Variants in SUGCT observed in about 807,000 individuals in gnomAD.
The protein encoded by SUGCT is succinyl-CoA:glutarate-CoA transferase.
Under a neutral mutation model 55.0 loss-of-function variants are expected in SUGCT, and 41 were observed. The observed-to-expected ratio is 0.74, with a 90% CI of 0.58 to 0.97. The LOEUF (loss-of-function observed/expected upper bound fraction) is 0.97. Among genes scored for constraint, SUGCT ranks in the 50% least tolerant of loss-of-function variants. The pLI, the probability that SUGCT is intolerant of heterozygous loss-of-function variation, is 0.00. For missense variants in SUGCT, 568 were observed against 547.8 expected (o/e 1.04, Z -0.37); for synonymous variants, 187 against 200.4 (o/e 0.93, Z 0.56).
intron 13 of SUGCT, among the ~76,000 whole-genome samples, chr7:40,756,973 T>G (rs1011734389): frequency 1.3e-5 from 2 of 152,180 alleles, no homozygotes; most frequent in African/African-American, 4.8e-5. Context: ...AATTTTCAAA[T>G]AGACTAGCTA....
chr7:41,013,442 A>T, the SUGCT span, among the ~76,000 whole-genome samples: 2 of 152,194 alleles, frequency 1.3e-5, no homozygotes, highest in Non-Finnish European at 2.9e-5. Context: ...TTGTGTCTTG[A>T]TGTTGGAGTC....
chr7:40,628,536 C>T (rs1286002033), intron 12 of SUGCT, among the ~76,000 whole-genome samples: 1 of 152,218 alleles, frequency 6.6e-6, no homozygotes, highest in East Asian at 1.9e-4. Context: ...GAACGCCTGC[C>T]ATCTTGAATG....
At chr7:40,186,707 A>T (rs998673794) in intron 3 of SUGCT, among the ~76,000 whole-genome samples, 1 of 152,164 alleles carries the variant, frequency 6.6e-6, no homozygotes, top group African/African-American at 2.4e-5. Context: ...CAGGGAACCT[A>T]AGTGAGGAAA....
chr7:40,952,131 G>T, the SUGCT span, among the ~76,000 whole-genome samples: 12 of 152,264 alleles, frequency 7.9e-5, no homozygotes, highest in Non-Finnish European at 1.6e-4. Context: ...ATGAATCTGG[G>T]TGCTCCTGTA....
At chr7:40,153,655 T>C in intron 1 of SUGCT, 1 of 523,594 alleles carries the variant, frequency 1.9e-6, no homozygotes, top group Non-Finnish European at 3.9e-6. Flanking sequence ...ACAGGGGCAA[T>C]ACCAATAGAG....
intron 9 of SUGCT, among the ~76,000 whole-genome samples, chr7:40,343,742 C>T (rs112421674): frequency 0.013 from 1,904 of 152,056 alleles, 33 homozygotes; most frequent in African/African-American, 0.042. Flanking sequence ...TTGCAAGCTC[C>T]GCCTCCCGGG....
intron 6 of SUGCT, among the ~76,000 whole-genome samples, chr7:40,209,448 A>T (rs66912039): frequency 0.33 from 50,613 of 151,950 alleles, 9,539 homozygotes; most frequent in East Asian, 0.54. Context: ...AGGAGCCCAG[A>T]TCTCGTCATT....
At chr7:40,530,151 C>T (rs879641236) in intron 12 of SUGCT, among the ~76,000 whole-genome samples, 3 of 152,104 alleles carry the variant, frequency 2.0e-5, no homozygotes, top group Non-Finnish European at 2.9e-5. Flanking sequence ...TTCTTTATAC[C>T]AGGAAGAACT....
chr7:40,249,999 C>T (rs1460693929), intron 7 of SUGCT, among the ~76,000 whole-genome samples: 2 of 152,132 alleles, frequency 1.3e-5, no homozygotes, highest in African/African-American at 4.8e-5. Context: ...GTTGGCTAGG[C>T]TGGTCTCGAA....
chr7:40,335,486 A>G (rs1383968860), intron 9 of SUGCT, among the ~76,000 whole-genome samples: 1 of 151,716 alleles, frequency 6.6e-6, no homozygotes, highest in Non-Finnish European at 1.5e-5. Context: ...TTGGATTCCT[A>G]GGTATTTTAT....
chr7:40,354,110 C>A (rs978824149), intron 9 of SUGCT, among the ~76,000 whole-genome samples: 1 of 152,180 alleles, frequency 6.6e-6, no homozygotes, highest in African/African-American at 2.4e-5. Context: ...CTTCTTCCCT[C>A]CCTTCTTTTC....
At chr7:40,344,981 T>C (rs1797237975) in intron 9 of SUGCT, among the ~76,000 whole-genome samples, 1 of 152,208 alleles carries the variant, frequency 6.6e-6, no homozygotes, top group South Asian at 2.1e-4. Context: ...TCTCCATAGG[T>C]ACTTGCTAAA....
chr7:40,884,575 G>A, the SUGCT span, among the ~76,000 whole-genome samples: 55 of 152,252 alleles, frequency 3.6e-4, no homozygotes, highest in African/African-American at 1.3e-3. Context: ...ATTAAGGGAT[G>A]AGAGTTTTTC....
intron 9 of SUGCT, among the ~76,000 whole-genome samples, chr7:40,365,106 G>A (rs901016023): frequency 3.9e-5 from 6 of 152,052 alleles, no homozygotes; most frequent in Admixed American, 3.9e-4. Context: ...GGCTGGTTCA[G>A]TATATGCAAA....
intron 1 of SUGCT, among the ~76,000 whole-genome samples, chr7:40,137,123 A>T (rs1787739634): frequency 6.6e-6 from 1 of 151,888 alleles, no homozygotes; most frequent in African/African-American, 2.4e-5. Context: ...ACCAAAATTA[A>T]CTTTATTATT....
At chr7:40,968,785 C>T in the SUGCT span, among the ~76,000 whole-genome samples, 10 of 152,284 alleles carry the variant, frequency 6.6e-5, no homozygotes, top group South Asian at 1.7e-3. Context: ...CAGTAAGTAA[C>T]AAGGCCCATC....
intron 1 of SUGCT, among the ~76,000 whole-genome samples, chr7:40,147,585 C>T (rs1323135797): frequency 3.3e-5 from 5 of 152,346 alleles, no homozygotes; most frequent in South Asian, 4.1e-4. Context: ...CCCGCTCCTG[C>T]GGCTTCTCCT....
intron 13 of SUGCT, among the ~76,000 whole-genome samples, chr7:40,770,422 C>T (rs961504778): frequency 6.6e-6 from 1 of 152,008 alleles, no homozygotes; most frequent in African/African-American, 2.4e-5. Flanking sequence ...GGAAGGTGGT[C>T]CTTGTCTTTG....
intron 11 of SUGCT, among the ~76,000 whole-genome samples, chr7:40,486,331 GT>G (rs1194686380): frequency 6.6e-6 from 1 of 152,138 alleles, no homozygotes; most frequent in Non-Finnish European, 1.5e-5. Flanking sequence ...CTTTTTAAAT[GT>G]TTTTGGATTT....
Sources: gnomAD v4.1 joint callset for allele counts (sites outside exome capture counted in the v4.1 genomes callset) on GRCh38, gnomAD v4.1.1 for gene constraint, MANE v1.5 for transcripts, NCBI Gene and HGNC (gene_info 2026-07-23, HGNC 2026-07-21) for gene names.